NEK10: variants seen among roughly 807,000 people sequenced by gnomAD.
The protein encoded by NEK10 is NIMA related kinase 10.
NEK10 carries 122 observed loss-of-function variants against 159.8 expected under a neutral mutation model. The ratio of observed to expected loss-of-function variants is 0.76; its 90% CI spans 0.66 to 0.89. The LOEUF (loss-of-function observed/expected upper bound fraction) is 0.89, where lower values mean the gene tolerates loss of function less well. NEK10 is among the 40% of genes least tolerant of loss of function. The probability of loss-of-function intolerance (pLI) is 0.00; values close to 1 mark genes in which losing one functional copy is unlikely to be tolerated. For synonymous variants in NEK10, 466 were observed against 457.1 expected (o/e 1.02, Z -0.25); for missense variants, 1,342 against 1,323.1 (o/e 1.01, Z -0.22).
intron 31 of NEK10, among the ~76,000 whole-genome samples, chr3:27,132,824 G>T (rs2061088105): frequency 6.6e-6 from 1 of 152,146 alleles, no homozygotes; most frequent in African/African-American, 2.4e-5. Context: ...AGAACTTGAA[G>T]GGAGAGAAAG....
chr3:27,184,368 G>A (rs1948417043), intron 26 of NEK10, among the ~76,000 whole-genome samples: 1 of 152,170 alleles, frequency 6.6e-6, no homozygotes, highest in South Asian at 2.1e-4. Context: ...AACAGGCAAA[G>A]TAATTTATAG....
chr3:27,287,793 G>A (rs754165064), intron 19 of NEK10, 50 bp from the exon 20 acceptor site: 1 of 1,467,462 alleles, frequency 6.8e-7, no homozygotes, highest in Admixed American at 2.8e-5. Context: ...CAAAATACAA[G>A]TTTTTTCACT....
intron 22 of NEK10, among the ~76,000 whole-genome samples, chr3:27,262,140 A>C (rs1240565019): frequency 6.6e-6 from 1 of 152,098 alleles, no homozygotes; most frequent in Non-Finnish European, 1.5e-5. Flanking sequence ...TCTTTTCTTT[A>C]AGAATGTTGA....
chr3:27,139,351 A>G (rs1216678830), intron 31 of NEK10, among the ~76,000 whole-genome samples: 1 of 152,096 alleles, frequency 6.6e-6, no homozygotes, highest in Non-Finnish European at 1.5e-5. Flanking sequence ...TCTAGGACAA[A>G]TGTCTTTAAA....
At chr3:27,355,835 G>C (rs2048289356) in intron 1 of NEK10, among the ~76,000 whole-genome samples, 1 of 152,034 alleles carries the variant, frequency 6.6e-6, no homozygotes, top group East Asian at 1.9e-4. Flanking sequence ...TCTCCCTCTT[G>C]CTTCCTCCAC....
chr3:27,320,902 G>A (rs1396227809), intron 6 of NEK10, among the ~76,000 whole-genome samples: 2 of 152,186 alleles, frequency 1.3e-5, no homozygotes, highest in Non-Finnish European at 2.9e-5. Flanking sequence ...GGAAAAGATG[G>A]TTACTTCTGA....
At chr3:27,279,096 C>T (rs1466121214) in intron 22 of NEK10, 1 of 185,580 alleles carries the variant, frequency 5.4e-6, no homozygotes, top group East Asian at 1.9e-4. Context: ...ACTTTCTATT[C>T]TGCTTCCTCA....
At chr3:27,282,811 A>C (rs2042305176) in intron 22 of NEK10, among the ~76,000 whole-genome samples, 1 of 150,866 alleles carries the variant, frequency 6.6e-6, no homozygotes, top group East Asian at 1.9e-4. Flanking sequence ...TTATTAACTT[A>C]TAAATTGACA....
chr3:27,119,695 T>C (rs915477058), intron 33 of NEK10, 65 bp downstream of exon 33: 16 of 1,217,146 alleles, frequency 1.3e-5, no homozygotes, highest in Admixed American at 1.9e-5. Context: ...CTTTTAGAAA[T>C]AGCTGTTGAT....
At chr3:27,160,117 T>A (rs1464481974) in intron 30 of NEK10, among the ~76,000 whole-genome samples, 3 of 151,996 alleles carry the variant, frequency 2.0e-5, no homozygotes, top group African/African-American at 7.2e-5. Context: ...GCTTATTTTT[T>A]TTAAAAAAAT....
intron 26 of NEK10, among the ~76,000 whole-genome samples, chr3:27,179,218 T>A (rs564386088): frequency 1.3e-5 from 2 of 152,294 alleles, no homozygotes; most frequent in East Asian, 1.9e-4. Context: ...AAATAACTAA[T>A]TTATATGGAT....
intron 23 of NEK10, among the ~76,000 whole-genome samples, chr3:27,232,085 C>T (rs1374136817): frequency 2.0e-5 from 3 of 151,740 alleles, no homozygotes; most frequent in Non-Finnish European, 4.4e-5. Context: ...GAAAACTTCT[C>T]AATAAAATAC....
intron 5 of NEK10, 73 bp from the exon 6 acceptor site, chr3:27,322,334 A>C (rs2045702253): frequency 2.2e-6 from 2 of 891,132 alleles, no homozygotes; most frequent in South Asian, 1.4e-5. Context: ...ATGCAAGGCT[A>C]TGAAGGAGTA....
intron 30 of NEK10, among the ~76,000 whole-genome samples, chr3:27,161,339 A>G (rs1232810445): frequency 1.3e-5 from 2 of 152,222 alleles, no homozygotes; most frequent in Non-Finnish European, 2.9e-5. Context: ...TTTGGCATCT[A>G]TGCTGACATT....
intron 22 of NEK10, among the ~76,000 whole-genome samples, chr3:27,262,159 C>A (rs530316979): frequency 3.3e-5 from 5 of 152,178 alleles, no homozygotes; most frequent in African/African-American, 1.2e-4. Flanking sequence ...GAATATTGGC[C>A]CCAACTCTCT....
chr3:27,331,550 G>T (rs1460551972), intron 5 of NEK10, among the ~76,000 whole-genome samples: 1 of 152,086 alleles, frequency 6.6e-6, no homozygotes, highest in African/African-American at 2.4e-5. Context: ...CCTAACTTCT[G>T]GTCCTCTCAT....
chr3:27,326,829 C>T (rs970682458), intron 5 of NEK10, among the ~76,000 whole-genome samples: 1 of 152,188 alleles, frequency 6.6e-6, no homozygotes, highest in Non-Finnish European at 1.5e-5. Flanking sequence ...TCTGAAAGAG[C>T]AGTTGTTCCT....
Position 27,110,684 on chromosome 3 carries a change from C to G in NEK10, c.*588G>C, listed in dbSNP as rs1939417683. 1 of 151,708 alleles carries G rather than the reference C, an allele frequency of 6.6e-6. No individual in the cohort carries two copies. The highest frequency in any genetic ancestry group is 6.6e-5 in the Admixed American group (1 of 15,224). 9.4% of individuals were successfully genotyped at this position (151,708 alleles called of 1,614,324 possible). A position where few individuals can be genotyped will look rare whatever the true frequency, so the allele number is the denominator to read the frequency against. On this transcript the variant is annotated 3_prime_UTR_variant, in exon 36 of 36. Coordinates refer to ENST00000691995, the MANE Select transcript of NEK10 (RefSeq NM_001394966.1). ...TCTACACTGTATCACAGTTCAAGAC[C>G]ACTAGCACCCAAGTGGTTAAGCGAG...
chr3:27,168,439 T>C (rs536101815), intron 29 of NEK10, among the ~76,000 whole-genome samples: 158 of 152,286 alleles, frequency 1.0e-3, no homozygotes, highest in Non-Finnish European at 1.8e-3. Context: ...CTAAACAAAT[T>C]AGACTGCAAA....
Sources: gnomAD v4.1 joint callset for allele counts (sites outside exome capture counted in the v4.1 genomes callset) on GRCh38, gnomAD v4.1.1 for gene constraint, MANE v1.5 for transcripts, NCBI Gene and HGNC (gene_info 2026-07-23, HGNC 2026-07-21) for gene names.